The following DGKB variants were observed in gnomAD, a reference collection of about 807,000 sequenced individuals.
DGKB encodes diacylglycerol kinase beta, also known as 90 kDa diacylglycerol kinase.
In DGKB, 67 loss-of-function variants were observed where a neutral mutation model predicts 114.3. The observed-to-expected ratio is 0.59, with a 90% CI of 0.48 to 0.72. The LOEUF (loss-of-function observed/expected upper bound fraction) is 0.72. Ranked by LOEUF, DGKB falls within the 30% of genes least tolerant of loss-of-function variation. The pLI is 0.00. For synonymous variants in DGKB, 398 were observed against 323.1 expected (o/e 1.23, Z -2.49); for missense variants, 907 against 975.2 (o/e 0.93, Z 0.93).
At chr7:14,672,872 G>T in intron 13 of DGKB, 57 bp downstream of exon 13, 1 of 1,029,048 alleles carries the variant, frequency 9.7e-7, no homozygotes, top group East Asian at 2.6e-5. Flanking sequence ...AATGGTATAC[G>T]ATACTGATAA....
At chr7:14,513,867 G>A (rs1255072187) in intron 20 of DGKB, among the ~76,000 whole-genome samples, 1 of 151,908 alleles carries the variant, frequency 6.6e-6, no homozygotes. Flanking sequence ...TAGTTGTAAT[G>A]TTCTACTAGT....
intron 21 of DGKB, among the ~76,000 whole-genome samples, chr7:14,434,667 A>G (rs1828978461): frequency 6.6e-6 from 1 of 152,140 alleles, no homozygotes; most frequent in Non-Finnish European, 1.5e-5. Context: ...CATTTAACAA[A>G]TGTGTATGTT....
In DGKB at chr7:14,968,618, A is replaced by G. The variant is rs569742024; in HGVS notation, c.-188+6078T>C. ...ACCTGAGTGTCATCCAGCTGTTTCTATTAGCCATTGTTTGGATTCTCCTTA... is the reference window on the plus strand; with the variant it reads ...ACCTGAGTGTCATCCAGCTGTTTCTGTTAGCCATTGTTTGGATTCTCCTTA... On this transcript the variant is annotated intron_variant, in intron 1 of 4. Coordinates refer to the DGKB transcript ENST00000437998. 4.6e-5 allele frequency among the ~76,000 whole-genome samples: 7 copies of G among 152,290 alleles called. No individual in the cohort carries two copies. In the East Asian group the frequency reaches 1.2e-3, roughly 25 times the overall value.
intron 9 of DGKB, among the ~76,000 whole-genome samples, chr7:14,688,007 T>C (rs1260961949): frequency 6.6e-6 from 1 of 152,222 alleles, no homozygotes; most frequent in African/African-American, 2.4e-5. Flanking sequence ...TGCCAAAATA[T>C]GCAAGGGATG....
chr7:14,725,619 T>C (rs1215377899), intron 5 of DGKB, among the ~76,000 whole-genome samples: 1 of 151,592 alleles, frequency 6.6e-6, no homozygotes, highest in Non-Finnish European at 1.5e-5. Context: ...CAGTGGCATG[T>C]TCACTACAAC....
intron 10 of DGKB, among the ~76,000 whole-genome samples, chr7:14,683,057 C>T (rs1821105190): frequency 6.6e-6 from 1 of 152,126 alleles, no homozygotes; most frequent in Non-Finnish European, 1.5e-5. Flanking sequence ...AAAACCAAGG[C>T]TCCTCTATCA....
At chr7:14,845,635 AATGAATATTTCTTGAATGAATTC>A (rs11273477) in intron 1 of DGKB, among the ~76,000 whole-genome samples, 60,804 of 151,858 alleles carry the variant, frequency 0.4, 12,875 homozygotes, top group South Asian at 0.62. Flanking sequence ...GTCTCAGGTC[AATGAATATTTCTTGAATGAATTC>A]ACTTATTTCC....
At chr7:14,484,851 T>C (rs1457131662) in intron 20 of DGKB, among the ~76,000 whole-genome samples, 2 of 152,242 alleles carry the variant, frequency 1.3e-5, no homozygotes, top group East Asian at 3.9e-4. Context: ...TTATACATGA[T>C]ATAATGTTAT....
At chr7:14,873,895 A>G (rs1393455077) in intron 1 of DGKB, among the ~76,000 whole-genome samples, 2 of 152,098 alleles carry the variant, frequency 1.3e-5, no homozygotes, top group Non-Finnish European at 1.5e-5. Flanking sequence ...TCTTTGTAAA[A>G]TATTACATAA....
At chr7:14,304,256 T>C (rs562654262) in intron 23 of DGKB, among the ~76,000 whole-genome samples, 1 of 152,250 alleles carries the variant, frequency 6.6e-6, no homozygotes, top group African/African-American at 2.4e-5. Context: ...TTTTTTATTT[T>C]TTTTGAGATC....
At chr7:14,190,560 C>T (rs1584353619) in intron 23 of DGKB, among the ~76,000 whole-genome samples, 1 of 111,074 alleles carries the variant, frequency 9.0e-6, no homozygotes, top group African/African-American at 3.5e-5. Context: ...CAGAAATAAA[C>T]AAAATTGATG....
At chr7:14,885,443 G>C (rs550175284) in intron 1 of DGKB, among the ~76,000 whole-genome samples, 1 of 152,004 alleles carries the variant, frequency 6.6e-6, no homozygotes, top group Admixed American at 6.6e-5. Flanking sequence ...GAGAGAGTGA[G>C]AATAGAGCTG....
chr7:14,862,588 G>C (rs910326549), intron 1 of DGKB, among the ~76,000 whole-genome samples: 8 of 152,018 alleles, frequency 5.3e-5, no homozygotes, highest in Admixed American at 3.3e-4. Context: ...AATGAAGCCA[G>C]AATTCAAACT....
chr7:14,188,717 T>A (rs1442636864), intron 23 of DGKB, among the ~76,000 whole-genome samples: 1 of 146,534 alleles, frequency 6.8e-6, no homozygotes, highest in African/African-American at 2.5e-5. Flanking sequence ...CAAAAAATTC[T>A]CTCTGAGGCA....
chr7:14,356,010 G>C (rs937886590), intron 21 of DGKB, among the ~76,000 whole-genome samples: 2 of 152,122 alleles, frequency 1.3e-5, no homozygotes, highest in Admixed American at 1.3e-4. Flanking sequence ...TCTTGGGAGG[G>C]TGCATGTGTC....
intron 23 of DGKB, among the ~76,000 whole-genome samples, chr7:14,214,537 T>C (rs1788653503): frequency 6.6e-6 from 1 of 152,106 alleles, no homozygotes; most frequent in Non-Finnish European, 1.5e-5. Context: ...AGGGGATAAA[T>C]GCATTTTCTT....
intron 1 of DGKB, among the ~76,000 whole-genome samples, chr7:14,971,977 C>G (rs888438205): frequency 6.6e-6 from 1 of 152,064 alleles, no homozygotes; most frequent in Non-Finnish European, 1.5e-5. Context: ...AACTCCTGAC[C>G]TCAGGTGATC....
intron 21 of DGKB, among the ~76,000 whole-genome samples, chr7:14,385,206 C>T (rs1333725404): frequency 2.6e-5 from 4 of 151,998 alleles, no homozygotes; most frequent in Admixed American, 2.6e-4. Flanking sequence ...TATGCTAACT[C>T]CTGAGTTTTG....
intron 25 of DGKB, among the ~76,000 whole-genome samples, chr7:14,167,860 T>A (rs541482099): frequency 6.6e-6 from 1 of 152,160 alleles, no homozygotes; most frequent in Non-Finnish European, 1.5e-5. Context: ...CCTGTGAGAA[T>A]TGAAAATACC....
Sources: gnomAD v4.1 joint callset for allele counts (sites outside exome capture counted in the v4.1 genomes callset) on GRCh38, gnomAD v4.1.1 for gene constraint, MANE v1.5 for transcripts, NCBI Gene and HGNC (gene_info 2026-07-23, HGNC 2026-07-21) for gene names.